The following CDK14 variants were observed in gnomAD, a reference collection of about 807,000 sequenced individuals.
CDK14 encodes cyclin dependent kinase 14, also known as cyclin-dependent kinase 14.
A neutral mutation model predicts 60.7 loss-of-function variants in CDK14; 34 were observed. The ratio of observed to expected loss-of-function variants is 0.56; its 90% confidence interval spans 0.43 to 0.75. The LOEUF (loss-of-function observed/expected upper bound fraction) is 0.75, where lower values mean the gene tolerates loss of function less well. Ranked by LOEUF, CDK14 falls within the 30% of genes least tolerant of loss-of-function variation. CDK14 has a pLI of 0.00. For missense variants in CDK14, 482 were observed against 564.1 expected, an observed-to-expected ratio of 0.85 and a Z score of 1.47; for synonymous variants, 197 against 203.7, an observed-to-expected ratio of 0.97 and a Z score of 0.28.
intron 2 of CDK14, among the ~76,000 whole-genome samples, chr7:90,618,226 TGAA>T (rs2116362246): frequency 6.6e-6 from 1 of 152,334 alleles, no homozygotes; most frequent in East Asian, 1.9e-4. Context: ...CTTAGAAAGA[TGAA>T]GACTTTAGGT....
chr7:90,980,227 TA>T (rs1438833699), intron 9 of CDK14, among the ~76,000 whole-genome samples: 2 of 152,102 alleles, frequency 1.3e-5, no homozygotes, highest in Non-Finnish European at 2.9e-5. Flanking sequence ...AATCCTAAAA[TA>T]AGAGTTTGAG....
At chr7:90,871,120 A>G (rs1177462534) in intron 6 of CDK14, among the ~76,000 whole-genome samples, 1 of 152,094 alleles carries the variant, frequency 6.6e-6, no homozygotes, top group Non-Finnish European at 1.5e-5. Context: ...TTTATTAATG[A>G]CTCAGATAGT....
At chr7:90,726,949 T>A (rs890090346) in intron 3 of CDK14, 137 bp downstream of exon 3, 17 of 1,003,058 alleles carry the variant, frequency 1.7e-5, no homozygotes, top group Non-Finnish European at 2.2e-5. Flanking sequence ...TTGAATGTTT[T>A]GGAAGAGAGA....
At chr7:91,192,116 A>G (rs996612010) in intron 14 of CDK14, among the ~76,000 whole-genome samples, 5 of 152,186 alleles carry the variant, frequency 3.3e-5, no homozygotes, top group African/African-American at 4.8e-5. Flanking sequence ...CAAGGAAGGC[A>G]CAAGTAACTT....
chr7:91,174,530 A>G (rs1263180019), intron 14 of CDK14, among the ~76,000 whole-genome samples: 1 of 151,330 alleles, frequency 6.6e-6, no homozygotes, highest in Non-Finnish European at 1.5e-5. Context: ...GGACATTCAA[A>G]CCAAAGGCAA....
intron 2 of CDK14, among the ~76,000 whole-genome samples, chr7:90,656,840 A>G (rs1800761580): frequency 6.6e-6 from 1 of 152,208 alleles, no homozygotes. Context: ...TATAAAGATC[A>G]TAAACATGAA....
intron 4 of CDK14, among the ~76,000 whole-genome samples, chr7:90,773,633 A>C (rs1036185687): frequency 2.6e-5 from 4 of 152,146 alleles, no homozygotes; most frequent in African/African-American, 9.7e-5. Flanking sequence ...CAGCTTCCCA[A>C]CTAGCTGAAA....
At chr7:91,184,857 C>A (rs1802120136) in intron 14 of CDK14, among the ~76,000 whole-genome samples, 1 of 151,756 alleles carries the variant, frequency 6.6e-6, no homozygotes, top group Non-Finnish European at 1.5e-5. Context: ...GGGGCAGGGG[C>A]CTCAGAAGGA....
intron 12 of CDK14, among the ~76,000 whole-genome samples, chr7:91,099,675 T>G (rs779020485): frequency 3.3e-5 from 5 of 152,172 alleles, no homozygotes; most frequent in Non-Finnish European, 7.4e-5. Flanking sequence ...AGAGGGCTAT[T>G]AACTTTATCC....
At chr7:91,040,150 G>C (rs374109007) in intron 10 of CDK14, among the ~76,000 whole-genome samples, 1 of 152,098 alleles carries the variant, frequency 6.6e-6, no homozygotes, top group South Asian at 2.1e-4. Context: ...CTTTCTCCTC[G>C]CCTTCCACCT....
At chr7:90,615,879 A>G (rs1262414462) in intron 2 of CDK14, among the ~76,000 whole-genome samples, 2 of 152,180 alleles carry the variant, frequency 1.3e-5, no homozygotes, top group Non-Finnish European at 2.9e-5. Context: ...CAAAATATTC[A>G]CGCACCTTGA....
rs751679131 is a variant in CDK14, at chr7:90,709,595, C to T, written c.124-16972C>T. Reference sequence around the variant, plus strand: ...CTGCAGAGCCCGGTTACTCTGCCTTCGTGGGAACTCCACAGGCAAGTCCAT... The same window carrying T: ...CTGCAGAGCCCGGTTACTCTGCCTTTGTGGGAACTCCACAGGCAAGTCCAT... On this transcript the variant is annotated intron_variant, in intron 2 of 14. Transcript: ENST00000380050. 26 of 1,612,578 alleles carry T rather than the reference C, an allele frequency of 1.6e-5. No individual in the cohort carries two copies. In the Middle Eastern group the frequency reaches 4.9e-4, roughly 31 times the overall value.
chr7:90,909,914 G>A (rs1436811666), intron 7 of CDK14, among the ~76,000 whole-genome samples: 1 of 152,136 alleles, frequency 6.6e-6, no homozygotes, highest in Non-Finnish European at 1.5e-5. Context: ...AACTAAAAAA[G>A]CAGAAAGAAG....
rs1804801175 is a variant in CDK14 at position 90,771,977 on chromosome 7, G to A, written c.465-18596G>A. ...CTGTGTAATGATTGGAAAATGTTTT[G>A]GAACATTCCAATCAGGCTAAGGTTG... is the stretch of plus-strand genomic sequence containing the variant. On this transcript the variant is annotated intron_variant, in intron 4 of 14. Coordinates refer to ENST00000380050, the MANE Select transcript of CDK14 (RefSeq NM_001287135.2). Among the ~76,000 whole-genome samples, 3 of 152,174 alleles carry A rather than the reference G, an allele frequency of 2.0e-5. No individual in the cohort carries two copies. In the South Asian group the frequency reaches 6.2e-4, roughly 32 times the overall value.
At chr7:90,869,391 G>A (rs553055202) in intron 6 of CDK14, among the ~76,000 whole-genome samples, 70 of 152,310 alleles carry the variant, frequency 4.6e-4, no homozygotes, top group African/African-American at 1.5e-3. Flanking sequence ...CAGGGCTGTG[G>A]CTTGCAGGGA....
intron 9 of CDK14, among the ~76,000 whole-genome samples, chr7:90,956,391 CA>C (rs1167451963): frequency 6.6e-6 from 1 of 152,114 alleles, no homozygotes; most frequent in African/African-American, 2.4e-5. Context: ...CAATGACTGT[CA>C]AGATTTAATT....
At position 90,995,897 on chromosome 7, in the gene CDK14, T is replaced by G. The variant is rs1795670081; in HGVS notation, c.1041+11656T>G. On this transcript the variant is annotated intron_variant, in intron 10 of 14. Coordinates refer to ENST00000380050, the MANE Select transcript of CDK14 (RefSeq NM_001287135.2). Reference sequence around the variant, plus strand: ...AGTAAAACAGATAAGCAGTCCCTGGTTGATGAGTTCTCTTAAGAACTCTAC... The same window carrying G: ...AGTAAAACAGATAAGCAGTCCCTGGGTGATGAGTTCTCTTAAGAACTCTAC... Among the ~76,000 whole-genome samples, 3 of 152,220 alleles carry G rather than the reference T, an allele frequency of 2.0e-5. No homozygotes were observed. In the South Asian group the frequency reaches 6.2e-4, roughly 32 times the overall value.
chr7:91,121,678 T>G (rs1799786136), intron 14 of CDK14, among the ~76,000 whole-genome samples: 4 of 152,188 alleles, frequency 2.6e-5, no homozygotes, highest in Admixed American at 2.0e-4. Context: ...ATACCTAAGT[T>G]AAAAATGGGA....
intron 5 of CDK14, among the ~76,000 whole-genome samples, chr7:90,843,992 G>T (rs1204457620): frequency 6.6e-6 from 1 of 152,088 alleles, no homozygotes; most frequent in African/African-American, 2.4e-5. Context: ...TCATAGAGCT[G>T]CCAAGTTATG....
Sources: gnomAD v4.1 joint callset for allele counts (sites outside exome capture counted in the v4.1 genomes callset) on GRCh38, gnomAD v4.1.1 for gene constraint, MANE v1.5 for transcripts, NCBI Gene and HGNC (gene_info 2026-07-23, HGNC 2026-07-21) for gene names.